SGMS1: variants seen among roughly 807,000 people sequenced by gnomAD.
The protein encoded by SGMS1 is phosphatidylcholine:ceramide cholinephosphotransferase 1.
SGMS1 carries 13 observed loss-of-function variants against 46.2 expected under a neutral mutation model. The ratio of observed to expected loss-of-function variants is 0.28; its 90% confidence interval spans 0.18 to 0.45. The LOEUF is 0.45. Among genes scored for constraint, SGMS1 ranks in the 20% least tolerant of loss-of-function variants. The probability of loss-of-function intolerance (pLI) is 1.00; values close to 1 mark genes in which losing one functional copy is unlikely to be tolerated. For missense variants in SGMS1, 324 were observed against 519.9 expected (o/e 0.62, Z 3.66); for synonymous variants, 203 against 187.8 (o/e 1.08, Z -0.66).
intron 1 of SGMS1, among the ~76,000 whole-genome samples, chr10:50,622,816 A>G (rs1228180354): frequency 2.6e-5 from 4 of 152,254 alleles, no homozygotes; most frequent in Non-Finnish European, 5.9e-5. Flanking sequence ...CGTTAGCTGG[A>G]CTAGGGCACT....
At chr10:50,575,046 C>G (rs984343966) in intron 2 of SGMS1, among the ~76,000 whole-genome samples, 1 of 143,700 alleles carries the variant, frequency 7.0e-6, no homozygotes, top group Non-Finnish European at 1.5e-5. Context: ...ACAACATAGA[C>G]GTGGAAGACG....
Position 50,307,429 on chromosome 10 carries a change from C to T in SGMS1, c.1063-108G>A. On this transcript the variant is annotated intron_variant, in intron 10 of 10. Transcript: ENST00000361781. This position sits in a 1 kb window ranked among gnomAD's most constrained non-coding sequence, Gnocchi z 4.2. Reference sequence around the variant, plus strand: ...GGACTCCATACCTGCCCTGCGTGTCCACCCACATATCCCAGCTTCTCTCTC... The same window carrying T: ...GGACTCCATACCTGCCCTGCGTGTCTACCCACATATCCCAGCTTCTCTCTC... 1 of 847,240 alleles carries T rather than the reference C, an allele frequency of 1.2e-6. No individual in the cohort carries two copies. Among genetic ancestry groups the T allele is most frequent in the Non-Finnish European group, 1.8e-6 (1 of 548,024 alleles). 52.5% of individuals were successfully genotyped at this position (847,240 alleles called of 1,614,324 possible).
At chr10:50,402,998 T>C (rs1260312276) in intron 6 of SGMS1, among the ~76,000 whole-genome samples, 2 of 152,194 alleles carry the variant, frequency 1.3e-5, no homozygotes, top group Non-Finnish European at 2.9e-5. Context: ...CGTTCCTGAG[T>C]TACTCCACTT....
intron 2 of SGMS1, among the ~76,000 whole-genome samples, chr10:50,551,099 C>T (rs1838145260): frequency 6.6e-6 from 1 of 152,010 alleles, no homozygotes. Context: ...CCAAAGGGCA[C>T]AGTATGGAAA....
intron 3 of SGMS1, among the ~76,000 whole-genome samples, chr10:50,475,764 C>T (rs1837416516): frequency 6.6e-6 from 1 of 152,114 alleles, no homozygotes; most frequent in Admixed American, 6.5e-5. Flanking sequence ...ATCTCCCCAA[C>T]CATTCTCCTG....
At chr10:50,346,160 T>C (rs1436058398) in intron 6 of SGMS1, among the ~76,000 whole-genome samples, 2 of 152,248 alleles carry the variant, frequency 1.3e-5, no homozygotes. Context: ...AAAATGAAGA[T>C]AATGATAATC....
At chr10:50,600,679 G>A (rs1246752752) in intron 1 of SGMS1, among the ~76,000 whole-genome samples, 1 of 152,194 alleles carries the variant, frequency 6.6e-6, no homozygotes, top group Non-Finnish European at 1.5e-5. Context: ...CCTCCTGGCT[G>A]GGTGAAGATA....
chr10:50,309,232 T>A (rs1184042194), intron 9 of SGMS1, among the ~76,000 whole-genome samples: 1 of 152,184 alleles, frequency 6.6e-6, no homozygotes, highest in Non-Finnish European at 1.5e-5. Context: ...TAGTAATATT[T>A]GTATTTGATA....
chr10:50,621,568 A>T (rs1314224333), intron 1 of SGMS1, among the ~76,000 whole-genome samples: 1 of 152,232 alleles, frequency 6.6e-6, no homozygotes, highest in Non-Finnish European at 1.5e-5. Flanking sequence ...ATTGAATACA[A>T]GTTAGACACT....
At chr10:50,375,558 G>C (rs1048995034) in intron 6 of SGMS1, among the ~76,000 whole-genome samples, 6 of 152,194 alleles carry the variant, frequency 3.9e-5, no homozygotes, top group African/African-American at 1.4e-4. Flanking sequence ...GAAATGATCA[G>C]GGGACAAGCT....
chr10:50,370,437 T>A lies in SGMS1; in HGVS notation c.-231-26092A>T, dbSNP rs553674963. ...TTAATTTTTTTTTTACTTAAAAAAT[T>A]TTTTTTTTTTAAACAAAGACACAAG... On this transcript the variant is annotated intron_variant, in intron 6 of 10. Coordinates refer to ENST00000361781, the MANE Select transcript of SGMS1 (RefSeq NM_147156.4). Among the ~76,000 whole-genome samples, 995 of 149,880 alleles carry A rather than the reference T, an allele frequency of 6.6e-3. 8 individuals carry two copies. Among genetic ancestry groups the A allele is most frequent in the South Asian group, 0.032 (152 of 4,762 alleles).
At chr10:50,524,940 G>A (rs531441066) in intron 2 of SGMS1, among the ~76,000 whole-genome samples, 9 of 152,226 alleles carry the variant, frequency 5.9e-5, no homozygotes, top group Middle Eastern at 3.4e-3. Context: ...TAACATCAAC[G>A]ATATGCCCAT....
rs1415958432 is a variant in SGMS1 at position 50,587,631 on chromosome 10, A to ATGTGTGTGTGTG, written c.-589+2521_-589+2522insCACACACACACA. Among the ~76,000 whole-genome samples the ATGTGTGTGTGTG allele has an allele frequency of 3.3e-3, 396 of 118,678 alleles. 3 individuals carry two copies. Among genetic ancestry groups the ATGTGTGTGTGTG allele is most frequent in the East Asian group, 4.3e-3 (15 of 3,468 alleles). The allele number at this position is 118,678 out of a possible 152,430, so 77.9% of individuals were successfully genotyped here. A position where few individuals can be genotyped will look rare whatever the true frequency, so the allele number is the denominator to read the frequency against. ...AGAGCAAGACTGCATCTCAAAATAT[A>ATGTGTGTGTGTG]TATGTGTGTGTGTGTGTGTGTGTGT... On this transcript the variant is annotated intron_variant, in intron 2 of 10. Coordinates refer to ENST00000361781, the MANE Select transcript of SGMS1 (RefSeq NM_147156.4).
intron 5 of SGMS1, among the ~76,000 whole-genome samples, chr10:50,435,913 T>A (rs1849468229): frequency 6.6e-6 from 1 of 152,220 alleles, no homozygotes; most frequent in Non-Finnish European, 1.5e-5. Flanking sequence ...CTGCTCAGAA[T>A]AAGTACTCGT....
chr10:50,429,617 T>G (rs1374842483), intron 6 of SGMS1, among the ~76,000 whole-genome samples: 1 of 152,106 alleles, frequency 6.6e-6, no homozygotes, highest in Non-Finnish European at 1.5e-5. Context: ...TTGTTAAAAT[T>G]CATTAAGTGT....
At chr10:50,334,117 C>T (rs1847674159) in intron 7 of SGMS1, among the ~76,000 whole-genome samples, 2 of 152,112 alleles carry the variant, frequency 1.3e-5, no homozygotes. Flanking sequence ...GACTTATATA[C>T]AGGTTGTAAC....
At chr10:50,608,517 AC>A (rs966197633) in intron 1 of SGMS1, among the ~76,000 whole-genome samples, 2 of 152,264 alleles carry the variant, frequency 1.3e-5, no homozygotes, top group African/African-American at 4.8e-5. Flanking sequence ...CACTCCTCAA[AC>A]ACTGTGCTGA....
intron 7 of SGMS1, among the ~76,000 whole-genome samples, chr10:50,331,335 AC>A (rs1397270846): frequency 6.6e-6 from 1 of 152,206 alleles, no homozygotes; most frequent in Admixed American, 6.5e-5. Context: ...TGAAATATAA[AC>A]AAAACAAAAA....
chr10:50,397,952 G>A (rs993188289), intron 6 of SGMS1, among the ~76,000 whole-genome samples: 13 of 152,118 alleles, frequency 8.5e-5, no homozygotes, highest in African/African-American at 2.7e-4. Context: ...AAGCCATTTC[G>A]CCGCTCTTCA....
Sources: gnomAD v4.1 joint callset for allele counts (sites outside exome capture counted in the v4.1 genomes callset) on GRCh38, gnomAD v4.1.1 for gene constraint, Gnocchi (gnomAD v3.1) non-coding constraint, MANE v1.5 for transcripts, NCBI Gene and HGNC (gene_info 2026-07-23, HGNC 2026-07-21) for gene names.